The following NAV2 variants were observed in gnomAD, a reference collection of about 807,000 sequenced individuals.
The protein encoded by NAV2 is neuron navigator 2, also known as helicase, APC down-regulated 1.
Under a neutral mutation model 223.2 loss-of-function variants are expected in NAV2, and 54 were observed. The ratio of observed to expected loss-of-function variants is 0.24; its 90% CI spans 0.19 to 0.30. NAV2 has a LOEUF of 0.30. Among genes scored for constraint, NAV2 ranks in the 10% least tolerant of loss-of-function variants. NAV2 has a pLI of 1.00. For missense variants in NAV2, 2,806 were observed against 3,147.5 expected (o/e 0.89, Z 2.60); for synonymous variants, 1,279 against 1,239.3 (o/e 1.03, Z -0.67).
chr11:20,017,533 C>T (rs75968067), intron 11 of NAV2, among the ~76,000 whole-genome samples: 2,341 of 152,302 alleles, frequency 0.015, 28 homozygotes, highest in Non-Finnish European at 0.026. Flanking sequence ...TTTCTGTCAT[C>T]ACTTTCCCCG....
rs114452730 is a variant in NAV2, at chr11:19,690,451, T to C, written c.76-142033T>C. ...CTCTCTGTGCTTTAATTTCTTCATA[T>C]ATTAAAAAGTCATGGTGAGCCCTAT... On this transcript the variant is annotated intron_variant, in intron 1 of 37. Coordinates refer to the NAV2 transcript ENST00000360655. Among the ~76,000 whole-genome samples the C allele has an allele frequency of 1.7e-3, 266 of 152,328 alleles. 1 individual carries two copies. Among genetic ancestry groups the C allele is most frequent in the African/African-American group, 6.2e-3 (256 of 41,576 alleles).
chr11:19,749,476 C>T (rs956583485), intron 1 of NAV2, among the ~76,000 whole-genome samples: 1 of 152,178 alleles, frequency 6.6e-6, no homozygotes. Context: ...ATTAAGCTCA[C>T]CTGTCAGAGT....
intron 1 of NAV2, among the ~76,000 whole-genome samples, chr11:19,814,204 G>C (rs1193624341): frequency 1.3e-5 from 2 of 152,226 alleles, no homozygotes; most frequent in Non-Finnish European, 2.9e-5. Flanking sequence ...ATGTCAACAG[G>C]TGTGGCAGGT....
At chr11:19,616,576 G>A (rs1173820574) in intron 1 of NAV2, among the ~76,000 whole-genome samples, 1 of 152,044 alleles carries the variant, frequency 6.6e-6, no homozygotes, top group Non-Finnish European at 1.5e-5. Context: ...GAGACTCCCT[G>A]TGGAGCACCC....
At chr11:20,095,572 C>T (rs768822960) in intron 29 of NAV2, 100 bp from the exon 30 acceptor site, 1 of 791,480 alleles carries the variant, frequency 1.3e-6, no homozygotes, top group Non-Finnish European at 2.2e-6. Context: ...ATTCCCCTCT[C>T]AAACCATTGG....
At chr11:19,561,411 T>C (rs752256035) in intron 1 of NAV2, among the ~76,000 whole-genome samples, 56 of 152,180 alleles carry the variant, frequency 3.7e-4, no homozygotes, top group Middle Eastern at 6.3e-3. Flanking sequence ...TTGTGTTTGC[T>C]AGCCTCAACC....
chr11:19,641,360 C>T (rs983575851), intron 1 of NAV2, among the ~76,000 whole-genome samples: 1 of 152,134 alleles, frequency 6.6e-6, no homozygotes, highest in Non-Finnish European at 1.5e-5. Flanking sequence ...ATCCCTCCCC[C>T]TCCACTGCTA....
chr11:20,033,464 A>G (rs2055994340), intron 11 of NAV2, among the ~76,000 whole-genome samples: 1 of 152,236 alleles, frequency 6.6e-6, no homozygotes, highest in Non-Finnish European at 1.5e-5. Flanking sequence ...GTATTTGAAG[A>G]AAGCCTTAAA....
chr11:19,690,056 C>T lies in NAV2; in HGVS notation c.76-142428C>T, dbSNP rs149155493. 1.4e-3 allele frequency among the ~76,000 whole-genome samples: 216 copies of T among 152,268 alleles called. 1 individual carries two copies. The highest frequency in any genetic ancestry group is 5.0e-3 in the African/African-American group (209 of 41,542). Reference sequence around the variant, plus strand: ...CGTGATCTAGGCTCACTGCAACCTCCGCCTCCCGGGTTTAAGTGATTCTTC... The same window carrying T: ...CGTGATCTAGGCTCACTGCAACCTCTGCCTCCCGGGTTTAAGTGATTCTTC... On this transcript the variant is annotated intron_variant, in intron 1 of 37. Transcript: ENST00000360655.
chr11:19,626,019 A>G (rs1387370129), intron 1 of NAV2, among the ~76,000 whole-genome samples: 1 of 152,144 alleles, frequency 6.6e-6, no homozygotes, highest in Admixed American at 6.6e-5. Flanking sequence ...CTTACTGTGC[A>G]GAAGCTTTGC....
intron 10 of NAV2, among the ~76,000 whole-genome samples, chr11:19,956,629 T>C (rs2047907669): frequency 6.6e-6 from 1 of 152,142 alleles, no homozygotes; most frequent in Non-Finnish European, 1.5e-5. Flanking sequence ...AAGAGGTGCA[T>C]AGTGCACGGT....
At chr11:19,905,724 A>G (rs1278092604) in intron 6 of NAV2, among the ~76,000 whole-genome samples, 1 of 152,166 alleles carries the variant, frequency 6.6e-6, no homozygotes, top group African/African-American at 2.4e-5. Context: ...CATATAGGAC[A>G]TATGTGCTAG....
chr11:19,547,331 C>A (rs2044533186), intron 1 of NAV2, among the ~76,000 whole-genome samples: 2 of 152,212 alleles, frequency 1.3e-5, no homozygotes, highest in Admixed American at 1.3e-4. Context: ...TACCCACCCC[C>A]AAATGTAATG....
In NAV2 at chr11:19,768,827, G is replaced by T. The variant is rs73429776; in HGVS notation, c.267+54865G>T. ...AATGCCAGTGGTACCATATTCAAAG[G>T]TTTATTGTGAGGACTGAAGATGGTG... On this transcript the variant is annotated intron_variant, in intron 1 of 37. Coordinates refer to ENST00000349880, the MANE Select transcript of NAV2 (RefSeq NM_145117.5). Among the ~76,000 whole-genome samples the T allele has an allele frequency of 7.3e-3, 1,119 of 152,286 alleles. 12 individuals carry two copies. The highest frequency in any genetic ancestry group is 0.025 in the African/African-American group (1,052 of 41,558).
Position 19,825,370 on chromosome 11 carries a change from TGG to T in NAV2, c.268-7111_268-7110del, listed in dbSNP as rs575276655. ...AAGTCTAGAGTGAGGCTTCCTGAAT[TGG>T]GGCCAAACAGTAGCATTCCCCTTAC... is the stretch of plus-strand genomic sequence containing the variant. On this transcript the variant is annotated intron_variant, in intron 1 of 37. Transcript: ENST00000349880. Among the ~76,000 whole-genome samples the T allele has an allele frequency of 8.4e-3, 1,223 of 146,174 alleles. 26 individuals carry two copies. Among genetic ancestry groups the T allele is most frequent in the African/African-American group, 0.025 (985 of 40,128 alleles).
At chr11:19,394,088 G>A (rs905414883) in intron 1 of NAV2, among the ~76,000 whole-genome samples, 2 of 151,984 alleles carry the variant, frequency 1.3e-5, no homozygotes, top group Admixed American at 6.6e-5. Context: ...AAACATCATA[G>A]GTCTCTTCTG....
intron 1 of NAV2, among the ~76,000 whole-genome samples, chr11:19,741,697 A>G (rs1385113554): frequency 3.5e-3 from 12 of 3,400 alleles, no homozygotes; most frequent in Admixed American, 0.026. Context: ...GTATATATAT[A>G]TATATATATA....
chr11:19,645,632 GA>G (rs2047795379), intron 1 of NAV2, among the ~76,000 whole-genome samples: 1 of 152,106 alleles, frequency 6.6e-6, no homozygotes, highest in Non-Finnish European at 1.5e-5. Context: ...AAAGGGATGA[GA>G]AGAAATGGAA....
At chr11:19,969,631 A>G (rs1296516803) in intron 10 of NAV2, among the ~76,000 whole-genome samples, 1 of 152,140 alleles carries the variant, frequency 6.6e-6, no homozygotes, top group Non-Finnish European at 1.5e-5. Context: ...TAATTTATAA[A>G]TTAGACACAG....
Sources: allele counts gnomAD v4.1 joint callset (sites outside exome capture counted in the v4.1 genomes callset), GRCh38; gene constraint gnomAD v4.1.1; transcripts MANE v1.5; gene names NCBI Gene and HGNC (gene_info 2026-07-23, HGNC 2026-07-21).